Variants in GRAMD4 observed in about 807,000 individuals in gnomAD.
GRAMD4 encodes GRAM domain containing 4.
In GRAMD4, 25 loss-of-function variants were observed where a neutral mutation model predicts 83.9. The observed-to-expected ratio is 0.30, with a 90% CI of 0.22 to 0.42. GRAMD4 has a LOEUF of 0.42. Among genes scored for constraint, GRAMD4 ranks in the 10% least tolerant of loss-of-function variants. The pLI, the probability that GRAMD4 is intolerant of heterozygous loss-of-function variation, is 1.00. For missense variants in GRAMD4, 593 were observed against 788.7 expected, an observed-to-expected ratio of 0.75 and a Z score of 2.97; for synonymous variants, 336 against 320.9, an observed-to-expected ratio of 1.05 and a Z score of -0.50.
chr22:46,640,647 C>T (rs1025070538), intron 3 of GRAMD4, among the ~76,000 whole-genome samples: 2 of 152,070 alleles, frequency 1.3e-5, no homozygotes, highest in Non-Finnish European at 2.9e-5. Context: ...GTGGTGAGCA[C>T]GGGGATTATT....
chr22:46,678,623 T>C lies in GRAMD4; in HGVS notation c.*1372T>C, dbSNP rs1430208993. The C allele has an allele frequency of 2.0e-6, 2 of 985,322 alleles. No homozygotes were observed. The highest frequency in any genetic ancestry group is 2.3e-4 in the East Asian group (2 of 8,820). The allele number at this position is 985,322 out of a possible 1,614,324, so 61.0% of individuals were successfully genotyped here. A position where few individuals can be genotyped will look rare whatever the true frequency, so the allele number is the denominator to read the frequency against. The stretch of plus-strand genomic sequence containing the variant: ...CTTGTCCTGAGTCCCTTGGGTGTCG[T>C]TGAGATTGTTGTTTTTTGAAGAAAC... On this transcript the variant is annotated 3_prime_UTR_variant, in exon 19 of 19. Coordinates refer to ENST00000406902, the MANE Select transcript of GRAMD4 (RefSeq NM_015124.5).
chr22:46,679,938 G>A (rs1311724440), downstream of GRAMD4: 2 of 200,878 alleles, frequency 1.0e-5, no homozygotes, highest in Non-Finnish European at 1.8e-5. Flanking sequence ...GGGTACTGAT[G>A]CGGCCTGAGT....
chr22:46,630,284 C>T (rs937539210), intron 2 of GRAMD4, among the ~76,000 whole-genome samples: 3 of 152,180 alleles, frequency 2.0e-5, no homozygotes, highest in Non-Finnish European at 2.9e-5. Flanking sequence ...CCTCAGCCTC[C>T]CAGAGTGCTG....
At chr22:46,586,916 G>A (rs1329144851) in intron 1 of GRAMD4, among the ~76,000 whole-genome samples, 1 of 151,976 alleles carries the variant, frequency 6.6e-6, no homozygotes, top group Non-Finnish European at 1.5e-5. Context: ...GCCCCTGGGT[G>A]GGGAGTTTGG....
In GRAMD4 at chr22:46,677,880, G is replaced by A. The variant is rs1397217594; in HGVS notation, c.*629G>A. The stretch of plus-strand genomic sequence containing the variant: ...TCCACACTCGCTCCACGGGAACAGA[G>A]AGGGTGAGAAGGGCCCACCCCTCGC... On this transcript the variant is annotated 3_prime_UTR_variant, in exon 19 of 19. Transcript: ENST00000406902. 2.0e-6 allele frequency: 2 copies of A among 985,106 alleles called. No homozygotes were observed. The highest frequency in any genetic ancestry group is 2.4e-6 in the Non-Finnish European group (2 of 829,712). The allele number at this position is 985,106 out of a possible 1,614,324, so 61.0% of individuals were successfully genotyped here. A position where few individuals can be genotyped will look rare whatever the true frequency, so the allele number is the denominator to read the frequency against.
intron 5 of GRAMD4, among the ~76,000 whole-genome samples, chr22:46,661,777 C>G (rs1161318357): frequency 6.6e-6 from 1 of 152,250 alleles, no homozygotes; most frequent in African/African-American, 2.4e-5. Context: ...ATGTGAGAGC[C>G]ACGCTGGTCA....
chr22:46,632,487 G>A (rs529787363), intron 2 of GRAMD4, among the ~76,000 whole-genome samples: 11 of 152,330 alleles, frequency 7.2e-5, no homozygotes, highest in Admixed American at 4.6e-4. Context: ...TAGTGACAGC[G>A]CCACAGCCTT....
intron 4 of GRAMD4, 66 bp downstream of exon 4, chr22:46,658,373 C>T (rs1413129591): frequency 4.2e-6 from 6 of 1,441,698 alleles, no homozygotes; most frequent in South Asian, 3.8e-5. Flanking sequence ...CCACCCGCCC[C>T]GCCGTCCTCT....
intron 3 of GRAMD4, among the ~76,000 whole-genome samples, chr22:46,639,610 G>A (rs983486716): frequency 1.3e-5 from 2 of 151,874 alleles, no homozygotes; most frequent in African/African-American, 4.8e-5. Context: ...GCGTGTGCAT[G>A]CCCGTGTGCA....
chr22:46,620,173 TGA>T (rs1491206432), upstream of GRAMD4: 13 of 266,600 alleles, frequency 4.9e-5, no homozygotes, highest in Non-Finnish European at 7.5e-5. The surrounding 1 kb of genome is among the most constrained non-coding windows in gnomAD (Gnocchi z 4.7). Flanking sequence ...TTGCGGTTTC[TGA>T]GTCCAGGGTT....
chr22:46,600,856 C>T (rs376756700), intron 1 of GRAMD4, among the ~76,000 whole-genome samples: 1 of 152,166 alleles, frequency 6.6e-6, no homozygotes, highest in African/African-American at 2.4e-5. Flanking sequence ...AAAGAAATCA[C>T]TACTTGGGGC....
intron 1 of GRAMD4, among the ~76,000 whole-genome samples, chr22:46,594,482 G>A (rs1337600961): frequency 6.6e-6 from 1 of 151,952 alleles, no homozygotes; most frequent in African/African-American, 2.4e-5. Flanking sequence ...GGGAGCACTG[G>A]CCAGAGGAGG....
At chr22:46,594,139 C>T (rs972249072) in intron 1 of GRAMD4, among the ~76,000 whole-genome samples, 6 of 150,916 alleles carry the variant, frequency 4.0e-5, no homozygotes, top group Non-Finnish European at 8.9e-5. Context: ...GCCAGCCCCA[C>T]CCCAGCATCC....
chr22:46,643,266 TC>T (rs2082015507), intron 3 of GRAMD4, among the ~76,000 whole-genome samples: 1 of 151,458 alleles, frequency 6.6e-6, no homozygotes. Context: ...CATCCGTCCA[TC>T]CGTCCATCCA....
chr22:46,652,040 C>T (rs912162937), intron 3 of GRAMD4, among the ~76,000 whole-genome samples: 9 of 152,268 alleles, frequency 5.9e-5, no homozygotes, highest in Non-Finnish European at 8.8e-5. Flanking sequence ...TTGCTTGACA[C>T]GATTGTCTCG....
In GRAMD4 at chr22:46,677,568, C is replaced by T. The variant is rs2082618201; in HGVS notation, c.*317C>T. The stretch of plus-strand genomic sequence containing the variant: ...CAGGACCCCTGGCCCTGCCCTTCTC[C>T]GTTCCAGCCTGGACAGAGAAACCTC... On this transcript the variant is annotated 3_prime_UTR_variant, in exon 19 of 19. Transcript: ENST00000406902. The T allele has an allele frequency of 1.1e-5, 12 of 1,113,400 alleles. No homozygotes were observed. Among genetic ancestry groups the T allele is most frequent in the Middle Eastern group, 4.1e-4 (1 of 2,466 alleles). 69.0% of individuals were successfully genotyped at this position (1,113,400 alleles called of 1,614,324 possible).
At chr22:46,615,273 G>T (rs2081465986) in intron 1 of GRAMD4, among the ~76,000 whole-genome samples, 1 of 9,428 alleles carries the variant, frequency 1.1e-4, no homozygotes, top group African/African-American at 4.2e-4. Context: ...TCCCCTGTGC[G>T]TGTGGGTTCC....
At chr22:46,669,876 G>T (rs2082475443) in intron 13 of GRAMD4, among the ~76,000 whole-genome samples, 1 of 152,302 alleles carries the variant, frequency 6.6e-6, no homozygotes, top group South Asian at 2.1e-4. Flanking sequence ...ACTGCGACTG[G>T]TCTCTTCTGT....
chr22:46,611,834 CAA>C (rs138512), intron 1 of GRAMD4, among the ~76,000 whole-genome samples: 22 of 138,062 alleles, frequency 1.6e-4, no homozygotes, highest in Non-Finnish European at 1.2e-4. Flanking sequence ...ACTAAAAATA[CAA>C]AAAAAAAAAA....
Sources: gnomAD v4.1 joint callset for allele counts (sites outside exome capture counted in the v4.1 genomes callset) on GRCh38, gnomAD v4.1.1 for gene constraint, Gnocchi (gnomAD v3.1) non-coding constraint, MANE v1.5 for transcripts, NCBI Gene and HGNC (gene_info 2026-07-23, HGNC 2026-07-21) for gene names.